CDKAL1: variants seen among roughly 807,000 people sequenced by gnomAD.
CDKAL1 encodes the protein CDKAL1 threonylcarbamoyladenosine tRNA methylthiotransferase, also known as threonylcarbamoyladenosine tRNA methylthiotransferase.
A neutral mutation model predicts 68.2 loss-of-function variants in CDKAL1; 32 were observed. The observed-to-expected ratio is 0.47, with a 90% CI of 0.35 to 0.63. The LOEUF (loss-of-function observed/expected upper bound fraction) is 0.63. Among genes scored for constraint, CDKAL1 ranks in the 30% least tolerant of loss-of-function variants. The probability of loss-of-function intolerance (pLI) is 0.00; values close to 1 mark genes in which losing one functional copy is unlikely to be tolerated. For synonymous variants in CDKAL1, 234 were observed against 244.3 expected (o/e 0.96, Z 0.39); for missense variants, 606 against 696.7 (o/e 0.87, Z 1.47).
rs578096693 is a variant in CDKAL1, at chr6:20,746,904, A to G, written c.468+7289A>G. Among the ~76,000 whole-genome samples the G allele has an allele frequency of 1.4e-4, 22 of 152,250 alleles. No homozygotes were observed. The East Asian group carries it at 4.1e-3, about 28-fold the overall frequency. On this transcript the variant is annotated intron_variant, in intron 6 of 15. Coordinates refer to ENST00000274695, the MANE Select transcript of CDKAL1 (RefSeq NM_017774.3). ...ACTCTTAGCAGATTTTCAGTATACA[A>G]TATTAAATATAGCCCTGATGATGTA...
intron 9 of CDKAL1, among the ~76,000 whole-genome samples, chr6:20,880,696 T>C (rs1760767994): frequency 6.6e-6 from 1 of 152,186 alleles, no homozygotes; most frequent in African/African-American, 2.4e-5. Context: ...GCCTCCTGAA[T>C]TCATATATAA....
chr6:21,225,282 G>T (rs1468721285), intron 15 of CDKAL1, among the ~76,000 whole-genome samples: 2 of 152,134 alleles, frequency 1.3e-5, no homozygotes, highest in East Asian at 3.9e-4. Flanking sequence ...GCAGGGGCGG[G>T]TGATGGTTTT....
intron 8 of CDKAL1, among the ~76,000 whole-genome samples, chr6:20,788,122 A>T (rs1331869092): frequency 6.6e-6 from 1 of 152,212 alleles, no homozygotes. Flanking sequence ...TTTACATGCT[A>T]ATTAGCAAAG....
chr6:20,606,288 G>A (rs558912329), intron 4 of CDKAL1, among the ~76,000 whole-genome samples: 2 of 152,232 alleles, frequency 1.3e-5, no homozygotes, highest in South Asian at 2.1e-4. Context: ...ATTTTTCTGC[G>A]TGAGAGCCTG....
chr6:21,066,458 T>C (rs1488648471), intron 12 of CDKAL1, among the ~76,000 whole-genome samples: 1 of 152,232 alleles, frequency 6.6e-6, no homozygotes, highest in East Asian at 1.9e-4. Context: ...GTATATATTA[T>C]TGAGGGATAA....
At chr6:21,006,077 A>G (rs1767709835) in intron 11 of CDKAL1, among the ~76,000 whole-genome samples, 1 of 152,168 alleles carries the variant, frequency 6.6e-6, no homozygotes, top group African/African-American at 2.4e-5. Context: ...CCTATGACCT[A>G]CTTTTCCAGT....
intron 9 of CDKAL1, among the ~76,000 whole-genome samples, chr6:20,866,697 G>T (rs1561842619): frequency 6.6e-6 from 1 of 152,146 alleles, no homozygotes; most frequent in Non-Finnish European, 1.5e-5. Flanking sequence ...TTTGTATGAA[G>T]ATACACCATA....
At chr6:20,596,960 C>CA (rs1653908725) in intron 4 of CDKAL1, among the ~76,000 whole-genome samples, 1 of 152,174 alleles carries the variant, frequency 6.6e-6, no homozygotes, top group South Asian at 2.1e-4. Context: ...GCTTGCCCCC[C>CA]ATGGGCTGCC....
chr6:21,198,681 A>G (rs772019021), intron 14 of CDKAL1, among the ~76,000 whole-genome samples: 2 of 152,250 alleles, frequency 1.3e-5, no homozygotes, highest in African/African-American at 2.4e-5. Flanking sequence ...TGTGCAGACC[A>G]GTGTGAGGAT....
At chr6:20,702,076 T>G (rs142561107) in intron 5 of CDKAL1, among the ~76,000 whole-genome samples, 7 of 152,316 alleles carry the variant, frequency 4.6e-5, no homozygotes, top group Middle Eastern at 3.4e-3. Flanking sequence ...CTTCCTTCTT[T>G]TCTTCCCTAC....
chr6:20,546,173 A>G, intron 2 of CDKAL1, among the ~76,000 whole-genome samples, 173 bp from the exon 3 acceptor site: 1 of 90,856 alleles, frequency 1.1e-5, no homozygotes, highest in East Asian at 8.7e-4. Flanking sequence ...TTTTTTCAAT[A>G]TACCCAAGAT....
chr6:20,926,303 A>G (rs998180501), intron 9 of CDKAL1, among the ~76,000 whole-genome samples: 1 of 152,144 alleles, frequency 6.6e-6, no homozygotes, highest in Non-Finnish European at 1.5e-5. Context: ...TATTTATGTC[A>G]AGGATATGTT....
chr6:21,005,357 C>CT (rs1408541983), intron 11 of CDKAL1, among the ~76,000 whole-genome samples: 1 of 152,158 alleles, frequency 6.6e-6, no homozygotes, highest in African/African-American at 2.4e-5. Flanking sequence ...GTAAAAGAAT[C>CT]TTTAAGTCCT....
intron 9 of CDKAL1, among the ~76,000 whole-genome samples, chr6:20,852,342 C>G (rs1291792724): frequency 6.6e-6 from 1 of 152,120 alleles, no homozygotes; most frequent in Non-Finnish European, 1.5e-5. Flanking sequence ...TGTTTCTAGG[C>G]ACTGAACCCT....
intron 8 of CDKAL1, among the ~76,000 whole-genome samples, chr6:20,802,935 G>T (rs963792536): frequency 6.6e-6 from 1 of 152,146 alleles, no homozygotes; most frequent in Admixed American, 6.5e-5. Context: ...TTTTTAAAAT[G>T]CAGAAGAGAC....
intron 8 of CDKAL1, among the ~76,000 whole-genome samples, chr6:20,795,625 T>G (rs553260467): frequency 6.6e-6 from 1 of 152,330 alleles, no homozygotes; most frequent in South Asian, 2.1e-4. Context: ...TAATTGTTCT[T>G]TTACTTCACA....
intron 6 of CDKAL1, among the ~76,000 whole-genome samples, chr6:20,740,985 C>T (rs975584263): frequency 5.9e-5 from 9 of 152,086 alleles, no homozygotes; most frequent in African/African-American, 1.9e-4. Context: ...GTGGTAAAAA[C>T]TTGGAGTTGA....
At chr6:21,143,779 T>A (rs2328573) in intron 13 of CDKAL1, among the ~76,000 whole-genome samples, 47,375 of 152,000 alleles carry the variant, frequency 0.31, 8,499 homozygotes, top group African/African-American at 0.49. Context: ...TGTCACAAAC[T>A]CTGTTTCTTC....
chr6:20,780,481 A>G (rs1417406860), intron 7 of CDKAL1, among the ~76,000 whole-genome samples: 1 of 152,092 alleles, frequency 6.6e-6, no homozygotes, highest in Admixed American at 6.5e-5. Flanking sequence ...TCTGCAATGT[A>G]ATGGCAGGCA....
Sources: allele counts gnomAD v4.1 joint callset (sites outside exome capture counted in the v4.1 genomes callset), GRCh38; gene constraint gnomAD v4.1.1; transcripts MANE v1.5; gene names NCBI Gene and HGNC (gene_info 2026-07-23, HGNC 2026-07-21).